SLC1A1: variants seen among roughly 807,000 people sequenced by gnomAD.
The protein encoded by SLC1A1 is excitatory amino acid transporter 3.
In SLC1A1, 43 loss-of-function variants were observed where a neutral mutation model predicts 53.3. That is an observed-to-expected ratio of 0.81 (90% CI 0.63 to 1.04). The LOEUF is 1.04. Ranked by LOEUF, SLC1A1 falls within the 50% of genes least tolerant of loss-of-function variation. The pLI, the probability that SLC1A1 is intolerant of heterozygous loss-of-function variation, is 0.00. For synonymous variants in SLC1A1, 307 were observed against 243.2 expected (o/e 1.26, Z -2.44); for missense variants, 748 against 664.9 (o/e 1.12, Z -1.37).
intron 2 of SLC1A1, among the ~76,000 whole-genome samples, chr9:4,557,857 G>A (rs1169929706): frequency 6.6e-6 from 1 of 152,092 alleles, no homozygotes. Context: ...GGCCTTTGAG[G>A]TAAAATGTAG....
intron 2 of SLC1A1, among the ~76,000 whole-genome samples, chr9:4,552,318 G>C (rs1431799247): frequency 6.6e-6 from 1 of 152,152 alleles, no homozygotes; most frequent in Non-Finnish European, 1.5e-5. Context: ...CTGGGAATGA[G>C]GTCAGTGCAG....
At position 4,534,374 on chromosome 9, in the gene SLC1A1, G is replaced by A. The variant is rs569298940; in HGVS notation, c.92-10193G>A. Among the ~76,000 whole-genome samples the A allele has an allele frequency of 1.1e-3, 160 of 152,240 alleles. 3 individuals carry two copies. The Middle Eastern group carries it at 0.02, about 19-fold the overall frequency. The stretch of plus-strand genomic sequence containing the variant: ...ACAGATGCAATTAAAAAATGATAAA[G>A]GGGATATCACCACTGATCCCACAGA... On this transcript the variant is annotated intron_variant, in intron 1 of 11. Coordinates refer to ENST00000262352, the MANE Select transcript of SLC1A1 (RefSeq NM_004170.6).
chr9:4,523,962 G>A lies in SLC1A1; in HGVS notation c.92-20605G>A, dbSNP rs181525958. Among the ~76,000 whole-genome samples the A allele has an allele frequency of 2.0e-5, 3 of 152,316 alleles. No homozygotes were observed. The East Asian group carries it at 5.8e-4, about 29-fold the overall frequency. Reference sequence around the variant, plus strand: ...GCCTGCCTCCTGAAGGGTTACTGATGAATTCCTTTCTTCCTTCAAAATGCT... The same window carrying A: ...GCCTGCCTCCTGAAGGGTTACTGATAAATTCCTTTCTTCCTTCAAAATGCT... On this transcript the variant is annotated intron_variant, in intron 1 of 11. Transcript: ENST00000262352.
chr9:4,532,069 C>A (rs1199905628), intron 1 of SLC1A1, among the ~76,000 whole-genome samples: 5 of 152,112 alleles, frequency 3.3e-5, no homozygotes, highest in African/African-American at 1.2e-4. Context: ...TCACCATCAT[C>A]AAAGACCAAA....
At chr9:4,543,839 T>C (rs1426674954) in intron 1 of SLC1A1, among the ~76,000 whole-genome samples, 1 of 152,116 alleles carries the variant, frequency 6.6e-6, no homozygotes, top group Non-Finnish European at 1.5e-5. Context: ...AAAAAGTACT[T>C]ATAATAAAAA....
intron 2 of SLC1A1, chr9:4,554,080 C>G (rs977123388): frequency 6.6e-6 from 1 of 152,200 alleles, no homozygotes; most frequent in African/African-American, 2.4e-5. Context: ...ATGAAGTCAT[C>G]AAGTAGGTGG....
chr9:4,495,056 G>C (rs1038414564), intron 1 of SLC1A1, among the ~76,000 whole-genome samples: 1 of 152,178 alleles, frequency 6.6e-6, no homozygotes, highest in African/African-American at 2.4e-5. Flanking sequence ...ATCAGAAACA[G>C]CTCCTTCATG....
chr9:4,508,270 G>T (rs985419546), intron 1 of SLC1A1, among the ~76,000 whole-genome samples: 8 of 152,272 alleles, frequency 5.3e-5, no homozygotes, highest in African/African-American at 1.9e-4. Flanking sequence ...CAAGACTTTG[G>T]AATCCACAAG....
chr9:4,509,590 T>C (rs10974584), intron 1 of SLC1A1, among the ~76,000 whole-genome samples: 43,404 of 151,592 alleles, frequency 0.29, 6,581 homozygotes, highest in Admixed American at 0.36. Flanking sequence ...TCTGTCTCTT[T>C]CTACCATTAA....
rs1338477769 is a variant in SLC1A1, at chr9:4,537,503, G to A, written c.92-7064G>A. On this transcript the variant is annotated intron_variant, in intron 1 of 11. Transcript: ENST00000262352. ...GAACCCGGGAAGCGGAGCTTGCAGTGAGCCGAGATTGCGCCACTGCAGTCC... is the reference window on the plus strand; with the variant it reads ...GAACCCGGGAAGCGGAGCTTGCAGTAAGCCGAGATTGCGCCACTGCAGTCC... 1.1e-4 allele frequency among the ~76,000 whole-genome samples: 7 copies of A among 64,126 alleles called. 2 individuals are homozygous for A. Among genetic ancestry groups the A allele is most frequent in the African/African-American group, 4.2e-4 (7 of 16,738 alleles). The allele number at this position is 64,126 out of a possible 152,430, so 42.1% of individuals were successfully genotyped here. A position where few individuals can be genotyped will look rare whatever the true frequency, so the allele number is the denominator to read the frequency against.
chr9:4,513,651 A>T (rs2130817673), intron 1 of SLC1A1, among the ~76,000 whole-genome samples: 1 of 152,330 alleles, frequency 6.6e-6, no homozygotes, highest in Non-Finnish European at 1.5e-5. Context: ...GCACTTTCTT[A>T]TCACCTTAAA....
Position 4,495,041 on chromosome 9 carries a change from C to G in SLC1A1, c.91+4271C>G, listed in dbSNP as rs559815254. 1.8e-4 allele frequency among the ~76,000 whole-genome samples: 27 copies of G among 152,264 alleles called. No homozygotes were observed. The South Asian group carries it at 5.6e-3, about 32-fold the overall frequency. On this transcript the variant is annotated intron_variant, in intron 1 of 11. Coordinates refer to ENST00000262352, the MANE Select transcript of SLC1A1 (RefSeq NM_004170.6). ...CATGCATAGATTCTGATTCCATTAT[C>G]TAAAATCAGAAACAGCTCCTTCATG...
At position 4,556,904 on chromosome 9, in the gene SLC1A1, G is replaced by A. The variant is rs572719119; in HGVS notation, c.233-4545G>A. Among the ~76,000 whole-genome samples, 1 of 152,068 alleles carries A rather than the reference G, an allele frequency of 6.6e-6. No individual in the cohort carries two copies. Among genetic ancestry groups the A allele is most frequent in the Non-Finnish European group, 1.5e-5 (1 of 68,002 alleles). ...GGTGGTGATTAGGAAAACGGCTTTG[G>A]GGGGTGGTTTTGCACAACAACAACA... On this transcript the variant is annotated intron_variant, in intron 2 of 11. Transcript: ENST00000262352. The surrounding 1 kb of genome is among the most constrained non-coding windows in gnomAD (Gnocchi z 4.1).
At chr9:4,526,049 C>A (rs1816247252) in intron 1 of SLC1A1, among the ~76,000 whole-genome samples, 1 of 152,018 alleles carries the variant, frequency 6.6e-6, no homozygotes, top group African/African-American at 2.4e-5. Flanking sequence ...CTTTGGGAGG[C>A]CGAAGCAGGA....
At chr9:4,491,187 G>A (rs1418859601) in intron 1 of SLC1A1, among the ~76,000 whole-genome samples, 1 of 152,234 alleles carries the variant, frequency 6.6e-6, no homozygotes, top group Non-Finnish European at 1.5e-5. Flanking sequence ...GGCAGAGATT[G>A]AGTGTGGATT....
At chr9:4,546,773 G>C (rs1235621622) in intron 2 of SLC1A1, among the ~76,000 whole-genome samples, 1 of 152,190 alleles carries the variant, frequency 6.6e-6, no homozygotes, top group Non-Finnish European at 1.5e-5. Context: ...CTGGGATTAT[G>C]GGCATGAGCC....
chr9:4,517,618 G>A (rs1815898739), intron 1 of SLC1A1, among the ~76,000 whole-genome samples: 1 of 152,204 alleles, frequency 6.6e-6, no homozygotes, highest in Non-Finnish European at 1.5e-5. Flanking sequence ...ATGACAGCCA[G>A]GAGGAAGTTT....
chr9:4,541,549 T>C (rs10974615), intron 1 of SLC1A1, among the ~76,000 whole-genome samples: 20,731 of 152,144 alleles, frequency 0.14, 1,683 homozygotes, highest in African/African-American at 0.21. Flanking sequence ...TGAAGATCCA[T>C]ACTTAGAGAG....
intron 1 of SLC1A1, among the ~76,000 whole-genome samples, chr9:4,514,529 G>A (rs974057413): frequency 1.3e-5 from 2 of 152,132 alleles, no homozygotes; most frequent in South Asian, 2.1e-4. Context: ...AATACACTTG[G>A]GCTGAGTTTT....
Sources: gnomAD v4.1 joint callset for allele counts (sites outside exome capture counted in the v4.1 genomes callset) on GRCh38, gnomAD v4.1.1 for gene constraint, Gnocchi (gnomAD v3.1) non-coding constraint, MANE v1.5 for transcripts, NCBI Gene and HGNC (gene_info 2026-07-23, HGNC 2026-07-21) for gene names.